Variants in ARPC1A observed in about 807,000 individuals in gnomAD.
The protein encoded by ARPC1A is actin-related protein 2/3 complex subunit 1A.
In ARPC1A, 8 loss-of-function variants were observed where a neutral mutation model predicts 46.9. The ratio of observed to expected loss-of-function variants is 0.17; its 90% CI spans 0.10 to 0.31. ARPC1A has a LOEUF of 0.31. Ranked by LOEUF, ARPC1A falls within the 10% of genes least tolerant of loss-of-function variation. The pLI is 1.00. For missense variants in ARPC1A, 286 were observed against 483.6 expected (o/e 0.59, Z 3.83); for synonymous variants, 152 against 169.0 (o/e 0.90, Z 0.78).
At chr7:99,339,834 A>G (rs528065002) in intron 3 of ARPC1A, 5 of 332,472 alleles carry the variant, frequency 1.5e-5, no homozygotes, top group South Asian at 1.1e-4. Context: ...ATGTTTGTAG[A>G]TGGTAGATGT....
chr7:99,366,040 C>T lies in ARPC1A; in HGVS notation c.*111C>T, dbSNP rs1793835731. ...AAGGAAACACTGAAAACACATATCA[C>T]GCCAATGCCGTGTGGTTTTGTTTGA... On this transcript the variant is annotated 3_prime_UTR_variant, in exon 10 of 10. Coordinates refer to ENST00000262942, the MANE Select transcript of ARPC1A (RefSeq NM_006409.4). 7.2e-6 allele frequency: 9 copies of T among 1,256,482 alleles called. No individual in the cohort carries two copies. Among genetic ancestry groups the T allele is most frequent in the Non-Finnish European group, 1.0e-5 (9 of 901,116 alleles). The allele number at this position is 1,256,482 out of a possible 1,614,324, so 77.8% of individuals were successfully genotyped here.
intron 5 of ARPC1A, among the ~76,000 whole-genome samples, chr7:99,352,655 TAAA>T (rs59352040): frequency 1.5e-5 from 2 of 136,084 alleles, no homozygotes; most frequent in Non-Finnish European, 3.2e-5. Flanking sequence ...CCCCGTCTCT[TAAA>T]AAAAAAAAAA....
At chr7:99,360,940 C>CAA (rs34464636) in intron 8 of ARPC1A, among the ~76,000 whole-genome samples, 2,052 of 79,840 alleles carry the variant, frequency 0.026, 120 homozygotes, top group African/African-American at 0.068. Flanking sequence ...GACTCCGTCT[C>CAA]AAAAAAAAAA....
intron 2 of ARPC1A, among the ~76,000 whole-genome samples, chr7:99,335,975 C>T (rs1312077867): frequency 6.6e-6 from 1 of 151,672 alleles, no homozygotes; most frequent in Non-Finnish European, 1.5e-5. Context: ...AAAAAAAAGC[C>T]TCTGTATTGG....
intron 3 of ARPC1A, among the ~76,000 whole-genome samples, chr7:99,341,036 C>T (rs1021093682): frequency 6.6e-6 from 1 of 152,112 alleles, no homozygotes. Flanking sequence ...AGGCCGGGTG[C>T]GGTGGCTCAC....
In ARPC1A at chr7:99,325,946, G is replaced by C. The variant is rs573399105; in HGVS notation, c.-88G>C. The C allele has an allele frequency of 2.0e-5, 3 of 152,634 alleles. No homozygotes were observed. Among genetic ancestry groups the C allele is most frequent in the Admixed American group, 2.0e-4 (3 of 15,304 alleles). 9.5% of individuals were successfully genotyped at this position (152,634 alleles called of 1,614,324 possible). ...GCGCCCGACGGAGCCTGTTCGCGTC[G>C]ACTGCCCAGAGTCCGCGAATCCTCC... On this transcript the variant is annotated 5_prime_UTR_variant, in exon 1 of 10. Coordinates refer to ENST00000262942, the MANE Select transcript of ARPC1A (RefSeq NM_006409.4).
intron 3 of ARPC1A, among the ~76,000 whole-genome samples, chr7:99,339,222 A>G (rs1036461063): frequency 5.9e-5 from 9 of 152,148 alleles, no homozygotes; most frequent in African/African-American, 2.2e-4. Context: ...ATTCCAGTCC[A>G]TTTTTAATAC....
intron 5 of ARPC1A, among the ~76,000 whole-genome samples, chr7:99,350,511 A>G (rs1793527862): frequency 6.6e-6 from 1 of 151,948 alleles, no homozygotes; most frequent in African/African-American, 2.4e-5. Flanking sequence ...ATTCCATGTA[A>G]TTGCTTTTTA....
chr7:99,362,891 C>T (rs753280432), intron 8 of ARPC1A, among the ~76,000 whole-genome samples: 4 of 151,998 alleles, frequency 2.6e-5, no homozygotes, highest in Non-Finnish European at 5.9e-5. Context: ...GGTGTGTCTG[C>T]TGCTAACATT....
chr7:99,330,734 T>C (rs887017278), intron 1 of ARPC1A, among the ~76,000 whole-genome samples: 1 of 152,224 alleles, frequency 6.6e-6, no homozygotes, highest in Non-Finnish European at 1.5e-5. Context: ...ATTCATTTCC[T>C]GCTTGCATCA....
intron 6 of ARPC1A, among the ~76,000 whole-genome samples, chr7:99,356,469 G>A (rs1793634564): frequency 6.6e-6 from 1 of 151,954 alleles, no homozygotes; most frequent in Non-Finnish European, 1.5e-5. Context: ...GCCAGGTGTG[G>A]TGGCATGCAC....
chr7:99,365,359 G>A (rs149889880), intron 9 of ARPC1A, among the ~76,000 whole-genome samples: 4 of 152,188 alleles, frequency 2.6e-5, no homozygotes, highest in Admixed American at 1.3e-4. Context: ...GCTGAGGCTC[G>A]TTTCTCCTCA....
chr7:99,348,314 C>G (rs1793494836), intron 4 of ARPC1A, among the ~76,000 whole-genome samples: 1 of 152,200 alleles, frequency 6.6e-6, no homozygotes, highest in Non-Finnish European at 1.5e-5. Context: ...TCTATGCTTA[C>G]TAATGAGGAC....
In ARPC1A at chr7:99,354,081, G is replaced by A. The variant is rs767022179; in HGVS notation, c.673G>A (p.Asp225Asn). The change falls in exon 6 of 10, where the codon GAC (aspartate) becomes AAC (asparagine). Residue 225 changes from aspartate (D) to asparagine (N), a missense_variant. By Grantham distance (23) the Asp-to-Asn change is conservative. Around this residue, in one of 5 missense-constraint regions of ARPC1A, gnomAD observed 182 missense variants for 276.7 expected, o/e 0.66. Coordinates refer to ENST00000262942, the MANE Select transcript of ARPC1A (RefSeq NM_006409.4). Reference sequence around the variant, plus strand: ...GAGCCGCCTGGCCTGGGTCAGCCACGACAGCACCGTGTCTGTTGCTGATGC... The same window carrying A: ...GAGCCGCCTGGCCTGGGTCAGCCACAACAGCACCGTGTCTGTTGCTGATGC... The part of the protein sequence containing the change: ...SGSRLAWVSH[D>N]STVSVADASK... 1.9e-5 allele frequency: 30 copies of A among 1,613,908 alleles called. No individual in the cohort carries two copies. Among genetic ancestry groups the A allele is most frequent in the Non-Finnish European group, 2.2e-5 (26 of 1,179,966 alleles).
intron 9 of ARPC1A, among the ~76,000 whole-genome samples, chr7:99,365,487 G>C (rs940632596): frequency 6.6e-6 from 1 of 152,016 alleles, no homozygotes. Context: ...AGTGACGCAT[G>C]CCTTTAGTTG....
intron 1 of ARPC1A, among the ~76,000 whole-genome samples, chr7:99,327,191 CTTTT>C (rs748190485): frequency 4.9e-5 from 7 of 143,240 alleles, no homozygotes; most frequent in African/African-American, 1.3e-4. Context: ...TGTTGTCTTC[CTTTT>C]TTTTTTTTTT....
rs192132031 is a variant in ARPC1A, at chr7:99,338,820, T to G, written c.169+535T>G. 4.6e-5 allele frequency among the ~76,000 whole-genome samples: 7 copies of G among 152,350 alleles called. No homozygotes were observed. The East Asian group carries it at 1.2e-3, about 25-fold the overall frequency. On this transcript the variant is annotated intron_variant, in intron 3 of 9. Transcript: ENST00000262942. ...ACTCTACCGTTGCTATGGAAAGCACTGAACCTACCCTGAGGACTAAAGAGC... is the reference window on the plus strand; with the variant it reads ...ACTCTACCGTTGCTATGGAAAGCACGGAACCTACCCTGAGGACTAAAGAGC...
rs921300880 is a variant in ARPC1A, at chr7:99,351,068, G to A, written c.500+2109G>A. Among the ~76,000 whole-genome samples, 13 of 152,150 alleles carry A rather than the reference G, an allele frequency of 8.5e-5. No homozygotes were observed. The East Asian group carries it at 1.5e-3, about 18-fold the overall frequency. On this transcript the variant is annotated intron_variant, in intron 5 of 9. Coordinates refer to ENST00000262942, the MANE Select transcript of ARPC1A (RefSeq NM_006409.4). The stretch of plus-strand genomic sequence containing the variant: ...GAGATGTGTTTGAGTTTGGCGGAGA[G>A]GATGGAGGTCATGGGAGTGTCAAGG...
At chr7:99,348,812 G>A (rs939311985) in intron 4 of ARPC1A, 40 bp from the exon 5 acceptor site, 1 of 1,549,592 alleles carries the variant, frequency 6.5e-7, no homozygotes, top group East Asian at 2.3e-5. Context: ...TGGGGATGCT[G>A]GTTGAGTGGA....
Sources: allele counts gnomAD v4.1 joint callset (sites outside exome capture counted in the v4.1 genomes callset), GRCh38; gene constraint gnomAD v4.1.1; regional missense constraint gnomAD v4.1.1; transcripts MANE v1.5; gene names NCBI Gene and HGNC (gene_info 2026-07-23, HGNC 2026-07-21).